The following ARF1 variants were observed in gnomAD, a reference collection of about 807,000 sequenced individuals.
ARF1 encodes ARF GTPase 1.
ARF1 carries 1 observed loss-of-function variant against 18.0 expected under a neutral mutation model. The observed-to-expected ratio is 0.06, with a 90% CI of 0.02 to 0.26. ARF1 has a LOEUF of 0.26. Among genes scored for constraint, ARF1 ranks in the 10% least tolerant of loss-of-function variants. The pLI is 1.00. For synonymous variants in ARF1, 112 were observed against 96.3 expected (o/e 1.16, Z -0.95); for missense variants, 73 against 247.2 (o/e 0.30, Z 4.73).
chr1:228,097,788 G>A lies in ARF1; in HGVS notation c.385-64G>A, dbSNP rs1211789229. On this transcript the variant is annotated intron_variant, in intron 4 of 4. Transcript: ENST00000272102. The surrounding 1 kb of genome is among the most constrained non-coding windows in gnomAD (Gnocchi z 8.1). Reference sequence around the variant, plus strand: ...CCGCCTGGTGGTAGGGGTTACTGGAGGCTGGTGGGGCCCCTTTCTCTGTCC... The same window carrying A: ...CCGCCTGGTGGTAGGGGTTACTGGAAGCTGGTGGGGCCCCTTTCTCTGTCC... The A allele has an allele frequency of 6.3e-7, 1 of 1,587,496 alleles. No individual in the cohort carries two copies. Among genetic ancestry groups the A allele is most frequent in the Non-Finnish European group, 8.6e-7 (1 of 1,164,988 alleles).
At chr1:228,091,961 CTATATG>C (rs1463533463) in intron 1 of ARF1, among the ~76,000 whole-genome samples, 1 of 152,118 alleles carries the variant, frequency 6.6e-6, no homozygotes, top group Non-Finnish European at 1.5e-5. Flanking sequence ...ATCATCTACA[CTATATG>C]TATGACTGTT....
intron 1 of ARF1, among the ~76,000 whole-genome samples, chr1:228,086,576 G>A (rs374749311): frequency 6.6e-6 from 1 of 151,826 alleles, no homozygotes; most frequent in Non-Finnish European, 1.5e-5. Flanking sequence ...GGAAATACCC[G>A]AAAGGCCTGC....
chr1:228,096,814 A>G (rs893939467), intron 1 of ARF1, among the ~76,000 whole-genome samples: 1 of 152,182 alleles, frequency 6.6e-6, no homozygotes, highest in Admixed American at 6.5e-5. Flanking sequence ...ATAGGCTGGG[A>G]TGAGGCAGCC....
At chr1:228,087,480 T>C (rs1484364411) in intron 1 of ARF1, among the ~76,000 whole-genome samples, 1 of 152,176 alleles carries the variant, frequency 6.6e-6, no homozygotes, top group Non-Finnish European at 1.5e-5. Context: ...CCTTAAAATA[T>C]TTGTACTAGC....
In ARF1 at chr1:228,089,075, C is replaced by A. The variant is rs1035084760; in HGVS notation, c.-38+6310C>A. 6.6e-6 allele frequency among the ~76,000 whole-genome samples: 1 copy of A among 152,138 alleles called. No homozygotes were observed. Among genetic ancestry groups the A allele is most frequent in the Non-Finnish European group, 1.5e-5 (1 of 68,022 alleles). On this transcript the variant is annotated intron_variant, in intron 1 of 4. Coordinates refer to ENST00000272102, the MANE Select transcript of ARF1 (RefSeq NM_001658.4). This position sits in a 1 kb window ranked among gnomAD's most constrained non-coding sequence, Gnocchi z 4.1. The stretch of plus-strand genomic sequence containing the variant: ...TGGGGAACAGGAGGGAGGCTACTCG[C>A]ATCACAGCGGAGAATGCCTGTTGGG...
intron 1 of ARF1, among the ~76,000 whole-genome samples, chr1:228,085,819 C>T (rs1258230420): frequency 6.6e-6 from 1 of 152,220 alleles, no homozygotes; most frequent in Non-Finnish European, 1.5e-5. Context: ...TTGATTCAGT[C>T]CATGAACATT....
intron 1 of ARF1, among the ~76,000 whole-genome samples, chr1:228,091,854 C>T (rs1207886456): frequency 2.6e-5 from 4 of 152,106 alleles, no homozygotes; most frequent in Non-Finnish European, 5.9e-5. Flanking sequence ...GCAGCTTGTG[C>T]AGGTGAGAAT....
chr1:228,083,117 C>A (rs923404414), intron 1 of ARF1: 1 of 152,408 alleles, frequency 6.6e-6, no homozygotes, highest in Non-Finnish European at 1.5e-5. Context: ...CTTCCTGCTT[C>A]CCTCGCCTCT....
intron 1 of ARF1, among the ~76,000 whole-genome samples, chr1:228,087,929 C>A (rs2032458727): frequency 6.6e-6 from 1 of 152,184 alleles, no homozygotes; most frequent in Admixed American, 6.5e-5. Context: ...AGCACATCTG[C>A]AGATGTGTAC....
chr1:228,087,364 A>G (rs1427036077), intron 1 of ARF1, among the ~76,000 whole-genome samples: 2 of 152,346 alleles, frequency 1.3e-5, no homozygotes, highest in East Asian at 3.9e-4. Flanking sequence ...TGTGCTTTGT[A>G]CCTTCTGTAG....
Position 228,093,526 on chromosome 1 carries a change from G to A in ARF1, c.-37-3552G>A, listed in dbSNP as rs2032636642. Among the ~76,000 whole-genome samples the A allele has an allele frequency of 2.0e-5, 3 of 151,890 alleles. No individual in the cohort carries two copies. The South Asian group carries it at 6.2e-4, about 31-fold the overall frequency. On this transcript the variant is annotated intron_variant, in intron 1 of 4. Coordinates refer to ENST00000272102, the MANE Select transcript of ARF1 (RefSeq NM_001658.4). ...GAGACCAAGCTGTCTGTGTGCCGAT[G>A]TCTTGACACCTGAGACTTCAGGTTC...
intron 1 of ARF1, among the ~76,000 whole-genome samples, chr1:228,093,942 T>G (rs1571841251): frequency 8.7e-6 from 1 of 115,056 alleles, no homozygotes; most frequent in Non-Finnish European, 1.6e-5. Flanking sequence ...GATGACAGAG[T>G]GAGACTCTGT....
intron 1 of ARF1, among the ~76,000 whole-genome samples, chr1:228,084,939 C>G (rs1038448161): frequency 2.0e-5 from 3 of 152,258 alleles, no homozygotes; most frequent in African/African-American, 7.2e-5. Context: ...TCTTCCTGAG[C>G]TGTGACCATT....
At chr1:228,094,522 C>T (rs1016440782) in intron 1 of ARF1, among the ~76,000 whole-genome samples, 1 of 152,042 alleles carries the variant, frequency 6.6e-6, no homozygotes, top group Admixed American at 6.6e-5. Context: ...TTGCCCAACC[C>T]CATAATAAGA....
chr1:228,097,469 T>C lies in ARF1; in HGVS notation c.259+17T>C, dbSNP rs756404286. On this transcript the variant is annotated intron_variant, in intron 3 of 4. Coordinates refer to ENST00000272102, the MANE Select transcript of ARF1 (RefSeq NM_001658.4). The surrounding 1 kb of genome is among the most constrained non-coding windows in gnomAD (Gnocchi z 8.1). ...ACACACAAGGTAAGTGGCTGGGGCC[T>C]GGTCCCATGGGCACTCCTGCTTCTA... is the stretch of plus-strand genomic sequence containing the variant. 6.2e-7 allele frequency: 1 copy of C among 1,613,666 alleles called. No homozygotes were observed. Among genetic ancestry groups the C allele is most frequent in the South Asian group, 1.1e-5 (1 of 91,010 alleles).
At chr1:228,094,807 C>G (rs979846717) in intron 1 of ARF1, among the ~76,000 whole-genome samples, 1 of 152,130 alleles carries the variant, frequency 6.6e-6, no homozygotes, top group African/African-American at 2.4e-5. Context: ...TAAAGGGTTT[C>G]GAAAGCAGTG....
Position 228,098,278 on chromosome 1 carries a change from G to T in ARF1, c.*265G>T, listed in dbSNP as rs2032821605. The T allele has an allele frequency of 8.8e-6, 3 of 342,510 alleles. No homozygotes were observed. In the East Asian group the frequency reaches 1.8e-4, roughly 20 times the overall value. The allele number at this position is 342,510 out of a possible 1,614,324, so 21.2% of individuals were successfully genotyped here. A position where few individuals can be genotyped will look rare whatever the true frequency, so the allele number is the denominator to read the frequency against. On this transcript the variant is annotated 3_prime_UTR_variant, in exon 5 of 5. Transcript: ENST00000272102. ...TTGTAAAAAGAAAAATCAACTCACT[G>T]TTCAGTGCTGAGAGGGGATGTAGGC...
chr1:228,092,755 G>C (rs1264828934), intron 1 of ARF1, among the ~76,000 whole-genome samples: 1 of 152,190 alleles, frequency 6.6e-6, no homozygotes, highest in East Asian at 1.9e-4. Flanking sequence ...AGTACTGGCT[G>C]GTGGTCTGGG....
rs1454061574 is a variant in ARF1 at position 228,097,695 on chromosome 1, C to T, written c.364C>T (p.Leu122=). ...AEDELRDAVL[L]VFANKQDLPN... ...GGACGAGCTCCGGGATGCTGTCCTCCTGGTGTTCGCCAACAAGCAGGTAGG... is the reference window on the plus strand; with the variant it reads ...GGACGAGCTCCGGGATGCTGTCCTCTTGGTGTTCGCCAACAAGCAGGTAGG... The change falls in exon 4 of 5, where the codon CTG becomes TTG. Residue 122 remains leucine (L), a synonymous_variant. Coordinates refer to ENST00000272102, the MANE Select transcript of ARF1 (RefSeq NM_001658.4). The surrounding 1 kb of genome is among the most constrained non-coding windows in gnomAD (Gnocchi z 8.1). The T allele has an allele frequency of 6.2e-7, 1 of 1,611,476 alleles. No homozygotes were observed. Among genetic ancestry groups the T allele is most frequent in the South Asian group, 1.1e-5 (1 of 90,846 alleles).
Sources: gnomAD v4.1 joint callset for allele counts (sites outside exome capture counted in the v4.1 genomes callset) on GRCh38, gnomAD v4.1.1 for gene constraint, Gnocchi (gnomAD v3.1) non-coding constraint, MANE v1.5 for transcripts, NCBI Gene and HGNC (gene_info 2026-07-23, HGNC 2026-07-21) for gene names.